Variants in HIBCH observed in about 807,000 individuals in gnomAD.
HIBCH encodes the protein 3-hydroxyisobutyryl-CoA hydrolase, also known as 3-hydroxyisobutyryl-CoA hydrolase, mitochondrial.
Under a neutral mutation model 58.2 loss-of-function variants are expected in HIBCH, and 50 were observed. The observed-to-expected ratio is 0.86, with a 90% CI of 0.68 to 1.09. The LOEUF is 1.09. Among genes scored for constraint, HIBCH ranks in the 50% least tolerant of loss-of-function variants. The pLI is 0.00. For missense variants in HIBCH, 450 were observed against 449.7 expected (o/e 1.00, Z -0.01); for synonymous variants, 151 against 146.9 (o/e 1.03, Z -0.20).
rs1237317734 is a variant in HIBCH, at chr2:190,197,677, T to C, written c.*17+7423A>G. ...GGGATTTAACATCTTGTGTTTTTCT[T>C]CTCTCAGGGATCACAATCCAGTGTT... On this transcript the variant is annotated intron_variant, in intron 1 of 1. Transcript: ENST00000399855. The surrounding 1 kb of genome is among the most constrained non-coding windows in gnomAD (Gnocchi z 4.0). 6.6e-6 allele frequency among the ~76,000 whole-genome samples: 1 copy of C among 152,188 alleles called. No individual in the cohort carries two copies. Among genetic ancestry groups the C allele is most frequent in the Non-Finnish European group, 1.5e-5 (1 of 68,024 alleles).
chr2:190,255,747 G>C (rs1161762347), intron 7 of HIBCH, among the ~76,000 whole-genome samples: 1 of 152,130 alleles, frequency 6.6e-6, no homozygotes, highest in Non-Finnish European at 1.5e-5. Context: ...TCCCACAACA[G>C]AGTACCAGAG....
chr2:190,247,148 C>T (rs1000734955), intron 9 of HIBCH, among the ~76,000 whole-genome samples: 2 of 152,074 alleles, frequency 1.3e-5, no homozygotes, highest in African/African-American at 4.8e-5. Context: ...TCACTCTAAA[C>T]TCTAAGGGTT....
intron 1 of HIBCH, among the ~76,000 whole-genome samples, chr2:190,196,223 A>C (rs1434035742): frequency 6.6e-6 from 1 of 151,824 alleles, no homozygotes; most frequent in Non-Finnish European, 1.5e-5. Context: ...TACTTGCATT[A>C]TCTCTTTAGT....
chr2:190,265,152 T>TAAAAAAAAAA (rs1687198450), intron 6 of HIBCH, among the ~76,000 whole-genome samples: 1 of 118,408 alleles, frequency 8.4e-6, no homozygotes, highest in African/African-American at 3.9e-5. Flanking sequence ...AAAAAAAAAG[T>TAAAAAAAAAA]ATTGACTCAT....
intron 11 of HIBCH, among the ~76,000 whole-genome samples, chr2:190,226,594 TC>T (rs1559020325): frequency 2.2e-5 from 2 of 89,858 alleles, no homozygotes; most frequent in East Asian, 2.7e-4. Context: ...AAACTCCGTC[TC>T]AAAAAAAAAA....
At chr2:190,301,159 G>A (rs1254356971) in intron 2 of HIBCH, among the ~76,000 whole-genome samples, 1 of 152,204 alleles carries the variant, frequency 6.6e-6, no homozygotes, top group Non-Finnish European at 1.5e-5. Context: ...ACTGGAGCCA[G>A]AGGTGCTGGC....
chr2:190,246,947 G>C (rs1686625573), intron 9 of HIBCH, among the ~76,000 whole-genome samples: 1 of 151,824 alleles, frequency 6.6e-6, no homozygotes, highest in African/African-American at 2.4e-5. Context: ...CTGAGTTAGT[G>C]TTGAGACAGG....
Position 190,244,969 on chromosome 2 carries a change from C to G in HIBCH, c.810-1G>C. 1 of 1,581,900 alleles carries G rather than the reference C, an allele frequency of 6.3e-7. No homozygotes were observed. Among genetic ancestry groups the G allele is most frequent in the Non-Finnish European group, 8.7e-7 (1 of 1,150,798 alleles). On this transcript the variant is annotated splice_acceptor_variant, in intron 10 of 13. Transcript: ENST00000359678. LOFTEE classifies it high-confidence loss of function. ...TTCCACAGTATTGGCTGAAAAACAA[C>G]TATAAAAAAAGGAAATGTGATTTCA...
chr2:190,316,456 T>C (rs1179299205), intron 1 of HIBCH, among the ~76,000 whole-genome samples: 1 of 152,104 alleles, frequency 6.6e-6, no homozygotes, highest in Admixed American at 6.5e-5. Flanking sequence ...ATTATCTGGA[T>C]GGAATGGTAG....
chr2:190,198,500 A>G (rs2105887323), intron 1 of HIBCH, among the ~76,000 whole-genome samples: 1 of 151,904 alleles, frequency 6.6e-6, no homozygotes, highest in Non-Finnish European at 1.5e-5. Flanking sequence ...AGGCATGGTG[A>G]CTTGTGCCTG....
rs1690493408 is a variant in HIBCH at position 190,210,561 on chromosome 2, C to G, written c.1012-1648G>C. Among the ~76,000 whole-genome samples the G allele has an allele frequency of 6.6e-6, 1 of 152,154 alleles. No homozygotes were observed. The highest frequency in any genetic ancestry group is 2.1e-4 in the South Asian group (1 of 4,830). ...CTTTAAAGTATAAGATCATGGCATT[C>G]CTCTCCTCATAATCACCTAGTGGCT... On this transcript the variant is annotated intron_variant, in intron 12 of 13. Transcript: ENST00000359678. This position sits in a 1 kb window ranked among gnomAD's most constrained non-coding sequence, Gnocchi z 5.5.
In HIBCH at chr2:190,215,639, G is replaced by A. The variant is rs1487787341; in HGVS notation, c.892-2564C>T. 1.3e-5 allele frequency: 2 copies of A among 152,172 alleles called. No homozygotes were observed. 9.4% of individuals were successfully genotyped at this position (152,172 alleles called of 1,614,324 possible). ...TGGATGGAATGAAAAACCAATTAAG[G>A]AATTACTAAGGGAAGCTCAGAAGGT... On this transcript the variant is annotated intron_variant, in intron 11 of 13. Transcript: ENST00000359678. The surrounding 1 kb of genome is among the most constrained non-coding windows in gnomAD (Gnocchi z 4.4).
intron 2 of HIBCH, among the ~76,000 whole-genome samples, chr2:190,308,314 C>T (rs958992889): frequency 6.6e-6 from 1 of 152,120 alleles, no homozygotes; most frequent in African/African-American, 2.4e-5. Context: ...CCATGTATAA[C>T]AGCTGAATAA....
At chr2:190,274,558 G>T (rs1687496251) in intron 6 of HIBCH, among the ~76,000 whole-genome samples, 1 of 152,116 alleles carries the variant, frequency 6.6e-6, no homozygotes, top group African/African-American at 2.4e-5. Flanking sequence ...ATTATTCATT[G>T]TGTGTGGTGG....
In HIBCH at chr2:190,319,772, A is replaced by AG; in HGVS notation, c.-23dup. 1.2e-6 allele frequency: 2 copies of AG among 1,608,258 alleles called. No individual in the cohort carries two copies. Among genetic ancestry groups the AG allele is most frequent in the Non-Finnish European group, 1.7e-6 (2 of 1,177,372 alleles). On this transcript the variant is annotated 5_prime_UTR_variant, in exon 1 of 14. Coordinates refer to ENST00000359678, the MANE Select transcript of HIBCH (RefSeq NM_014362.4). ...CCATCGCCAAACACTCCGAAGCTAAAGCAGCAGAGCGAGAATCTCCCGGAC... is the reference window on the plus strand; with the variant it reads ...CCATCGCCAAACACTCCGAAGCTAAAGGCAGCAGAGCGAGAATCTCCCGGAC...
At chr2:190,296,346 G>A (rs577543312) in intron 3 of HIBCH, among the ~76,000 whole-genome samples, 9 of 152,030 alleles carry the variant, frequency 5.9e-5, no homozygotes, top group African/African-American at 2.2e-4. Flanking sequence ...CATGAACCCG[G>A]GAGGTGGAGC....
chr2:190,225,773 G>A (rs1685873512), intron 11 of HIBCH, among the ~76,000 whole-genome samples: 1 of 152,142 alleles, frequency 6.6e-6, no homozygotes, highest in Non-Finnish European at 1.5e-5. Context: ...CATTTTATGA[G>A]GCCAGCATCA....
chr2:190,253,763 C>T lies in HIBCH; in HGVS notation c.518-1456G>A, dbSNP rs1236834713. Among the ~76,000 whole-genome samples, 3 of 152,128 alleles carry T rather than the reference C, an allele frequency of 2.0e-5. No homozygotes were observed. The East Asian group carries it at 5.8e-4, about 29-fold the overall frequency. ...TTATCAAAGTCTTCAAGGCCCCTTA[C>T]CACTTTTTCCACTACATCCCTTACT... On this transcript the variant is annotated intron_variant, in intron 7 of 13. Transcript: ENST00000359678.
intron 9 of HIBCH, among the ~76,000 whole-genome samples, chr2:190,246,973 G>C (rs1272398899): frequency 6.6e-6 from 1 of 151,432 alleles, no homozygotes; most frequent in Non-Finnish European, 1.5e-5. Context: ...GATTGCAGCT[G>C]ATTCACACTA....
Sources: allele counts gnomAD v4.1 joint callset (sites outside exome capture counted in the v4.1 genomes callset), GRCh38; gene constraint gnomAD v4.1.1; non-coding constraint Gnocchi (gnomAD v3.1); transcripts MANE v1.5; gene names NCBI Gene and HGNC (gene_info 2026-07-23, HGNC 2026-07-21).